The following LRRC4C variants were observed in gnomAD, a reference collection of about 807,000 sequenced individuals.
LRRC4C encodes the protein leucine-rich repeat-containing protein 4C.
In LRRC4C, 5 loss-of-function variants were observed where a neutral mutation model predicts 33.6. The observed-to-expected ratio is 0.15, with a 90% CI of 0.08 to 0.31. LRRC4C has a LOEUF of 0.31. Among genes scored for constraint, LRRC4C ranks in the 10% least tolerant of loss-of-function variants. LRRC4C has a pLI of 1.00. For synonymous variants in LRRC4C, 329 were observed against 302.0 expected (o/e 1.09, Z -0.93); for missense variants, 560 against 796.7 (o/e 0.70, Z 3.58).
intron 3 of LRRC4C, among the ~76,000 whole-genome samples, chr11:40,425,553 C>T (rs1032473728): frequency 7.9e-5 from 12 of 152,174 alleles, no homozygotes; most frequent in African/African-American, 2.9e-4. Context: ...ACTTGCTACA[C>T]ATTGCCAGTT....
intron 2 of LRRC4C, among the ~76,000 whole-genome samples, chr11:40,827,630 A>G (rs1029809180): frequency 1.3e-5 from 2 of 151,770 alleles, no homozygotes; most frequent in Non-Finnish European, 2.9e-5. Context: ...AAGTAATTGA[A>G]TGTTCAGTCT....
intron 1 of LRRC4C, among the ~76,000 whole-genome samples, chr11:41,078,650 C>T (rs1161326560): frequency 3.3e-5 from 5 of 152,026 alleles, no homozygotes; most frequent in Non-Finnish European, 7.3e-5. Flanking sequence ...AGGGGAAACC[C>T]GCCTCCATGA....
At chr11:40,389,224 T>C (rs888749108) in intron 3 of LRRC4C, among the ~76,000 whole-genome samples, 5 of 152,054 alleles carry the variant, frequency 3.3e-5, no homozygotes, top group Admixed American at 6.6e-5. Context: ...TTGGGAGAAG[T>C]TACTGGAGCC....
At chr11:40,930,927 C>A (rs1957591452) in intron 2 of LRRC4C, among the ~76,000 whole-genome samples, 1 of 152,116 alleles carries the variant, frequency 6.6e-6, no homozygotes. Context: ...TTATTTGGCC[C>A]TCAAGCCACC....
At chr11:41,406,349 T>G (rs1437568076) in intron 1 of LRRC4C, among the ~76,000 whole-genome samples, 1 of 152,192 alleles carries the variant, frequency 6.6e-6, no homozygotes, top group Admixed American at 6.5e-5. Context: ...GAATTCCATC[T>G]TTTGAGACAT....
At chr11:41,006,175 T>C (rs1854740002) in intron 1 of LRRC4C, among the ~76,000 whole-genome samples, 1 of 152,252 alleles carries the variant, frequency 6.6e-6, no homozygotes, top group African/African-American at 2.4e-5. Flanking sequence ...ATGAAAGCTA[T>C]GACTGAGTGT....
chr11:40,328,837 G>T (rs1946217443), intron 3 of LRRC4C, among the ~76,000 whole-genome samples: 1 of 152,332 alleles, frequency 6.6e-6, no homozygotes, highest in Non-Finnish European at 1.5e-5. Context: ...TTTCCATTTA[G>T]ACAATTCATA....
At chr11:40,504,023 A>C (rs1035290436) in intron 3 of LRRC4C, among the ~76,000 whole-genome samples, 1 of 152,114 alleles carries the variant, frequency 6.6e-6, no homozygotes, top group Non-Finnish European at 1.5e-5. Context: ...CTCTCCAAAG[A>C]AATTGTCATT....
chr11:41,349,090 T>G (rs1406165487), intron 1 of LRRC4C, among the ~76,000 whole-genome samples: 1 of 152,172 alleles, frequency 6.6e-6, no homozygotes, highest in Non-Finnish European at 1.5e-5. Context: ...ATCTGAGTAC[T>G]ATCCCATCTG....
rs535439257 is a variant in LRRC4C at position 40,758,000 on chromosome 11, G to C, written c.-406-109722C>G. 5.3e-5 allele frequency among the ~76,000 whole-genome samples: 8 copies of C among 152,140 alleles called. No homozygotes were observed. In the South Asian group the frequency reaches 1.7e-3, roughly 32 times the overall value. ...AGAGTAGGATGCATTATGTGCTGAT[G>C]ATGACATCTGGAGAATGACATTGGA... is the stretch of plus-strand genomic sequence containing the variant. On this transcript the variant is annotated intron_variant, in intron 2 of 6. Coordinates refer to ENST00000528697, the MANE Select transcript of LRRC4C (RefSeq NM_001258419.2).
At chr11:40,891,041 A>G (rs1327517593) in intron 2 of LRRC4C, among the ~76,000 whole-genome samples, 3 of 152,056 alleles carry the variant, frequency 2.0e-5, no homozygotes, top group Admixed American at 6.6e-5. Context: ...TCAGCAGTTC[A>G]AAACCATCCT....
chr11:41,273,935 G>A (rs1024742298), intron 1 of LRRC4C, among the ~76,000 whole-genome samples: 4 of 152,132 alleles, frequency 2.6e-5, no homozygotes, highest in Non-Finnish European at 5.9e-5. Flanking sequence ...AAGTAAAGCA[G>A]TTAAGGAGAA....
chr11:41,139,872 C>T lies in LRRC4C; in HGVS notation c.-495-206149G>A, dbSNP rs200357317. Among the ~76,000 whole-genome samples, 15 of 152,006 alleles carry T rather than the reference C, an allele frequency of 9.9e-5. No individual in the cohort carries two copies. The East Asian group carries it at 2.7e-3, about 27-fold the overall frequency. On this transcript the variant is annotated intron_variant, in intron 1 of 6. Transcript: ENST00000528697. Reference sequence around the variant, plus strand: ...GGGAGACGGTGTGGTGGTCTTTGATCGGGGCACTGTGGCTGAAGGAAGCAT... The same window carrying T: ...GGGAGACGGTGTGGTGGTCTTTGATTGGGGCACTGTGGCTGAAGGAAGCAT...
intron 1 of LRRC4C, among the ~76,000 whole-genome samples, chr11:41,135,176 A>AT (rs1341045593): frequency 2.0e-5 from 3 of 152,002 alleles, no homozygotes; most frequent in Non-Finnish European, 4.4e-5. Context: ...AGAAAAGAAA[A>AT]TTTTTTCTCC....
intron 2 of LRRC4C, among the ~76,000 whole-genome samples, chr11:40,721,834 C>G (rs1301555927): frequency 6.6e-6 from 1 of 152,034 alleles, no homozygotes; most frequent in Non-Finnish European, 1.5e-5. Context: ...CCAGCTACAC[C>G]GGAGGCTGAG....
At chr11:40,252,076 G>A (rs556385940) in intron 4 of LRRC4C, among the ~76,000 whole-genome samples, 1 of 152,066 alleles carries the variant, frequency 6.6e-6, no homozygotes, top group East Asian at 1.9e-4. Context: ...ACATGATTCA[G>A]GTGAAAACAT....
chr11:41,281,072 CT>C (rs1949652080), intron 1 of LRRC4C, among the ~76,000 whole-genome samples: 1 of 135,268 alleles, frequency 7.4e-6, no homozygotes, highest in Non-Finnish European at 1.6e-5. Flanking sequence ...CTCTCTCTCT[CT>C]CTGTCCTCTC....
At chr11:41,278,736 C>T (rs993589069) in intron 1 of LRRC4C, among the ~76,000 whole-genome samples, 3 of 152,226 alleles carry the variant, frequency 2.0e-5, no homozygotes, top group African/African-American at 7.2e-5. Context: ...CACCCAGATT[C>T]TCTTACCAAC....
intron 6 of LRRC4C, among the ~76,000 whole-genome samples, chr11:40,121,229 C>T (rs1464317306): frequency 1.3e-5 from 2 of 152,140 alleles, no homozygotes; most frequent in East Asian, 1.9e-4. Context: ...TTCTTTCTTA[C>T]TCTCCGGGCT....
Sources: allele counts gnomAD v4.1 joint callset (sites outside exome capture counted in the v4.1 genomes callset), GRCh38; gene constraint gnomAD v4.1.1; transcripts MANE v1.5; gene names NCBI Gene and HGNC (gene_info 2026-07-23, HGNC 2026-07-21).